The following ATP6V1H variants were observed in gnomAD, a reference collection of about 807,000 sequenced individuals.
ATP6V1H encodes the protein V-type proton ATPase subunit H.
A neutral mutation model predicts 71.7 loss-of-function variants in ATP6V1H; 39 were observed. The observed-to-expected ratio is 0.54, with a 90% CI of 0.42 to 0.71. The LOEUF (loss-of-function observed/expected upper bound fraction) is 0.71. Ranked by LOEUF, ATP6V1H falls within the 30% of genes least tolerant of loss-of-function variation. The pLI is 0.00. For missense variants in ATP6V1H, 509 were observed against 594.9 expected (o/e 0.86, Z 1.50); for synonymous variants, 192 against 199.3 (o/e 0.96, Z 0.31).
At chr8:53,746,424 C>A (rs990183770) in intron 12 of ATP6V1H, among the ~76,000 whole-genome samples, 7 of 151,998 alleles carry the variant, frequency 4.6e-5, no homozygotes, top group Non-Finnish European at 1.0e-4. Context: ...ACCACCACGC[C>A]CAGCTCATTT....
intron 4 of ATP6V1H, 21 bp from the exon 5 acceptor site, chr8:53,817,551 T>TC (rs1421081285): frequency 6.7e-7 from 1 of 1,491,714 alleles, no homozygotes; most frequent in Non-Finnish European, 9.3e-7. Context: ...AAAGAAATGA[T>TC]ATCACCAGTC....
chr8:53,782,145 T>G (rs1809166454), intron 9 of ATP6V1H, among the ~76,000 whole-genome samples: 1 of 152,228 alleles, frequency 6.6e-6, no homozygotes, highest in East Asian at 1.9e-4. Context: ...ATGGCCATTT[T>G]CACGATATTG....
chr8:53,817,406 T>C lies in ATP6V1H; in HGVS notation c.420+11A>G. Reference sequence around the variant, plus strand: ...ATTTTAAAAAAAGAATCCAATCAATTCAAAATTTACCATATGAACAGTGAA... The same window carrying C: ...ATTTTAAAAAAAGAATCCAATCAATCCAAAATTTACCATATGAACAGTGAA... On this transcript the variant is annotated intron_variant, in intron 5 of 13. Coordinates refer to ENST00000359530, the MANE Select transcript of ATP6V1H (RefSeq NM_015941.4). 1 of 1,575,244 alleles carries C rather than the reference T, an allele frequency of 6.3e-7. No individual in the cohort carries two copies. The highest frequency in any genetic ancestry group is 8.7e-7 in the Non-Finnish European group (1 of 1,150,284).
chr8:53,795,835 T>C lies in ATP6V1H; in HGVS notation c.682A>G (p.Met228Val), dbSNP rs1563470674. 3.2e-6 allele frequency: 5 copies of C among 1,584,782 alleles called. No individual in the cohort carries two copies. Among genetic ancestry groups the C allele is most frequent in the South Asian group, 1.2e-5 (1 of 86,516 alleles). Residue 228 changes from methionine to valine, a missense_variant, in exon 9 of 14, where the codon ATG becomes GTG. By Grantham distance (21) the Met-to-Val change is conservative. This residue lies in a region of ATP6V1H where 297 missense variants were observed against 303.3 expected (regional missense o/e 0.98). Coordinates refer to ENST00000359530, the MANE Select transcript of ATP6V1H (RefSeq NM_015941.4). ...WVEADGVNCI[M>V]GVLSNKCGFQ... ...CCACACTTGTTACTCAACACTCCCA[T>C]TATGCTGAAAAACAAACAAACAAAA...
intron 13 of ATP6V1H, among the ~76,000 whole-genome samples, chr8:53,737,542 C>G (rs1328479543): frequency 6.6e-6 from 1 of 152,184 alleles, no homozygotes; most frequent in Non-Finnish European, 1.5e-5. Flanking sequence ...GAAAATAAGG[C>G]AAGAAGAGCA....
intron 7 of ATP6V1H, among the ~76,000 whole-genome samples, chr8:53,809,470 G>A (rs1222899816): frequency 6.6e-6 from 1 of 152,178 alleles, no homozygotes; most frequent in Non-Finnish European, 1.5e-5. Flanking sequence ...CTAAAGGGAA[G>A]AAGGTAGGAA....
intron 11 of ATP6V1H, among the ~76,000 whole-genome samples, chr8:53,762,318 A>T (rs541600816): frequency 2.0e-5 from 3 of 152,218 alleles, no homozygotes; most frequent in African/African-American, 7.2e-5. Flanking sequence ...ACAGTGTAAC[A>T]TTATCCAAAG....
intron 9 of ATP6V1H, among the ~76,000 whole-genome samples, chr8:53,791,846 G>C (rs1045170700): frequency 6.6e-6 from 1 of 152,090 alleles, no homozygotes; most frequent in Non-Finnish European, 1.5e-5. Context: ...TAAGACCTTC[G>C]ATGTCCAGCT....
At chr8:53,767,605 G>GA (rs1808516497) in intron 11 of ATP6V1H, among the ~76,000 whole-genome samples, 1 of 152,130 alleles carries the variant, frequency 6.6e-6, no homozygotes, top group Non-Finnish European at 1.5e-5. Flanking sequence ...AATCAAAACA[G>GA]TGTGGTACTA....
At position 53,785,569 on chromosome 8, in the gene ATP6V1H, C is replaced by T. The variant is rs113579188; in HGVS notation, c.870+10078G>A. Reference sequence around the variant, plus strand: ...AGTAATTCTCCATCCAGCTTTGTTCCGTTGCTGGTGAGGAGCTGCGTTCCT... The same window carrying T: ...AGTAATTCTCCATCCAGCTTTGTTCTGTTGCTGGTGAGGAGCTGCGTTCCT... On this transcript the variant is annotated intron_variant, in intron 9 of 13. Transcript: ENST00000359530. Among the ~76,000 whole-genome samples the T allele has an allele frequency of 8.1e-3, 1,230 of 152,244 alleles. 18 individuals are homozygous for T. Among genetic ancestry groups the T allele is most frequent in the African/African-American group, 0.024 (998 of 41,532 alleles).
chr8:53,771,931 T>C, intron 10 of ATP6V1H, 58 bp downstream of exon 10: 3 of 1,494,900 alleles, frequency 2.0e-6, no homozygotes, highest in South Asian at 2.5e-5. Flanking sequence ...TAAAATGCTA[T>C]GCAAGTCAAA....
chr8:53,795,682 C>T lies in ATP6V1H; in HGVS notation c.835G>A (p.Glu279Lys). ...LSDILQESVKEKVTRIILAAF... is the reference protein window; with the variant it reads ...LSDILQESVKKKVTRIILAAF... ...GCAAGAATGATTCTTGTTACTTTCT[C>T]TTTGACAGACTCCTGAAGGATATCA... The change falls in exon 9 of 14, where the codon GAG becomes AAG. Residue 279 changes from glutamate to lysine, a missense_variant. Transcript: ENST00000359530. 1 of 1,612,958 alleles carries T rather than the reference C, an allele frequency of 6.2e-7. No homozygotes were observed. Among genetic ancestry groups the T allele is most frequent in the African/African-American group, 1.3e-5 (1 of 74,954 alleles).
intron 4 of ATP6V1H, among the ~76,000 whole-genome samples, chr8:53,821,079 AAG>A (rs905848989): frequency 5.2e-5 from 7 of 135,708 alleles, no homozygotes; most frequent in African/African-American, 1.8e-4. Context: ...AAAAAAAAAA[AAG>A]AGAGAGAGGC....
At chr8:53,744,174 T>C (rs963434281) in intron 12 of ATP6V1H, among the ~76,000 whole-genome samples, 2 of 152,118 alleles carry the variant, frequency 1.3e-5, no homozygotes, top group Admixed American at 6.6e-5. Context: ...CCCATGCTAA[T>C]TTCCTGGAAA....
At chr8:53,726,203 AT>A (rs1482596770) in intron 13 of ATP6V1H, among the ~76,000 whole-genome samples, 1 of 152,198 alleles carries the variant, frequency 6.6e-6, no homozygotes, top group Non-Finnish European at 1.5e-5. Flanking sequence ...CTACTTTTAT[AT>A]TTAATAATCA....
At chr8:53,830,495 T>C (rs969694118) in intron 3 of ATP6V1H, among the ~76,000 whole-genome samples, 5 of 151,866 alleles carry the variant, frequency 3.3e-5, no homozygotes, top group Non-Finnish European at 7.4e-5. Flanking sequence ...CAGTAACAAA[T>C]AGTTGGGTTT....
At chr8:53,745,597 C>A (rs1226171626) in intron 12 of ATP6V1H, among the ~76,000 whole-genome samples, 1 of 152,030 alleles carries the variant, frequency 6.6e-6, no homozygotes, top group Non-Finnish European at 1.5e-5. Context: ...TTCTCTAACA[C>A]ACGAGTTTTC....
At chr8:53,727,652 C>A (rs1169729685) in intron 13 of ATP6V1H, among the ~76,000 whole-genome samples, 3 of 152,206 alleles carry the variant, frequency 2.0e-5, no homozygotes, top group Admixed American at 6.5e-5. Flanking sequence ...AATCTCATCC[C>A]CTTCCACGAC....
In ATP6V1H at chr8:53,755,637, A is replaced by C. The variant is rs181818157; in HGVS notation, c.1277+918T>G. Among the ~76,000 whole-genome samples, 94 of 128,688 alleles carry C rather than the reference A, an allele frequency of 7.3e-4. 1 individual carries two copies. Among genetic ancestry groups the C allele is most frequent in the East Asian group, 5.4e-3 (24 of 4,480 alleles). The allele number at this position is 128,688 out of a possible 152,430, so 84.4% of individuals were successfully genotyped here. ...CTCGCAAAATGGCTACCAAATCATT[A>C]ACATGAAATATCTAATGTGATCTAC... is the stretch of plus-strand genomic sequence containing the variant. On this transcript the variant is annotated intron_variant, in intron 12 of 13. Coordinates refer to ENST00000359530, the MANE Select transcript of ATP6V1H (RefSeq NM_015941.4).
Sources: allele counts gnomAD v4.1 joint callset (sites outside exome capture counted in the v4.1 genomes callset), GRCh38; gene constraint gnomAD v4.1.1; regional missense constraint gnomAD v4.1.1; transcripts MANE v1.5; gene names NCBI Gene and HGNC (gene_info 2026-07-23, HGNC 2026-07-21).